Variants in TG observed in about 807,000 individuals in gnomAD.
TG encodes the protein thyroid hormones.
In TG, 270 loss-of-function variants were observed where a neutral mutation model predicts 324.7. The ratio of observed to expected loss-of-function variants is 0.83; its 90% CI spans 0.75 to 0.92. The LOEUF is 0.92. Ranked by LOEUF, TG falls within the 40% of genes least tolerant of loss-of-function variation. The pLI, the probability that TG is intolerant of heterozygous loss-of-function variation, is 0.00. For missense variants in TG, 3,591 were observed against 3,456.4 expected, an observed-to-expected ratio of 1.04 and a Z score of -0.98; for synonymous variants, 1,401 against 1,327.0, an observed-to-expected ratio of 1.06 and a Z score of -1.21.
intron 45 of TG, among the ~76,000 whole-genome samples, chr8:133,120,395 C>A (rs1851048726): frequency 6.6e-6 from 1 of 152,168 alleles, no homozygotes; most frequent in Non-Finnish European, 1.5e-5. Flanking sequence ...CTTTCATAGG[C>A]TGCTGTAACA....
rs750146452 is a variant in TG, at chr8:132,882,797, GT to G, written c.890-16del. The stretch of plus-strand genomic sequence containing the variant: ...CATTGTTGACACTGTCTTCTTTACT[GT>G]GTGGATTTCCTCTAGGCCCCACAAA... On this transcript the variant is annotated splice_polypyrimidine_tract_variant and intron_variant, in intron 7 of 47. Coordinates refer to ENST00000220616, the MANE Select transcript of TG (RefSeq NM_003235.5). 1.2e-6 allele frequency: 2 copies of G among 1,614,222 alleles called. No homozygotes were observed. Among genetic ancestry groups the G allele is most frequent in the Admixed American group, 3.3e-5 (2 of 60,022 alleles).
At chr8:132,986,862 G>A (rs1400770348) in intron 35 of TG, among the ~76,000 whole-genome samples, 2 of 151,954 alleles carry the variant, frequency 1.3e-5, no homozygotes, top group Non-Finnish European at 2.9e-5. Context: ...AGTGGTTTTC[G>A]GCTTTTGATA....
chr8:133,014,954 C>T (rs779112473), intron 37 of TG, among the ~76,000 whole-genome samples: 80 of 152,136 alleles, frequency 5.3e-4, no homozygotes, highest in Non-Finnish European at 8.4e-4. Context: ...TGCACAATCT[C>T]GGGTCACTGC....
intron 41 of TG, among the ~76,000 whole-genome samples, chr8:133,070,798 C>G (rs943241376): frequency 3.9e-5 from 6 of 152,212 alleles, no homozygotes; most frequent in Non-Finnish European, 7.3e-5. Flanking sequence ...GGTGTGCACA[C>G]TGGCCCGTGT....
intron 41 of TG, among the ~76,000 whole-genome samples, chr8:133,089,739 G>A (rs1268494188): frequency 6.6e-6 from 1 of 152,086 alleles, no homozygotes; most frequent in Non-Finnish European, 1.5e-5. Context: ...CCTGTCCTGG[G>A]GCTGTCGGAT....
Position 132,887,554 on chromosome 8 carries a change from T to A in TG, c.2176+6T>A. 1 of 1,614,154 alleles carries A rather than the reference T, an allele frequency of 6.2e-7. No individual in the cohort carries two copies. Among genetic ancestry groups the A allele is most frequent in the Non-Finnish European group, 8.5e-7 (1 of 1,180,034 alleles). On this transcript the variant is annotated splice_donor_region_variant and intron_variant, in intron 9 of 47. Transcript: ENST00000220616. ...AATAGGGAAGCCCAAGAAATGTAAG[T>A]CTGTTGGGTATTCAATCTGTAGGTT...
At chr8:133,080,355 T>A (rs888858974) in intron 41 of TG, among the ~76,000 whole-genome samples, 1 of 152,206 alleles carries the variant, frequency 6.6e-6, no homozygotes, top group African/African-American at 2.4e-5. Context: ...CTCATAGGGC[T>A]TAACATAGTT....
chr8:132,934,190 C>T (rs905049257), intron 24 of TG, among the ~76,000 whole-genome samples: 2 of 152,012 alleles, frequency 1.3e-5, no homozygotes, highest in African/African-American at 2.4e-5. Context: ...AAATAATTAG[C>T]TGGGTGTGGT....
intron 11 of TG, among the ~76,000 whole-genome samples, chr8:132,896,663 C>T (rs1817146998): frequency 6.6e-6 from 1 of 152,094 alleles, no homozygotes; most frequent in African/African-American, 2.4e-5. Context: ...GTGTGTCCCA[C>T]CCGCTGCCCA....
intron 22 of TG, among the ~76,000 whole-genome samples, chr8:132,925,658 A>G (rs1449900448): frequency 6.6e-6 from 1 of 152,068 alleles, no homozygotes; most frequent in Non-Finnish European, 1.5e-5. Flanking sequence ...GCTTTGAGAG[A>G]TCAGTTAGCC....
In TG at chr8:132,896,887, G is replaced by T. The variant is rs111425069; in HGVS notation, c.3002-762G>T. The stretch of plus-strand genomic sequence containing the variant: ...ATGTTGGTGGTGGGGAAAGCCATGT[G>T]CAAAGCCCAGTGGGTCGGGGACTGC... On this transcript the variant is annotated intron_variant, in intron 11 of 47. Transcript: ENST00000220616. 7.2e-3 allele frequency among the ~76,000 whole-genome samples: 1,096 copies of T among 152,286 alleles called. 8 individuals carry two copies. Among genetic ancestry groups the T allele is most frequent in the African/African-American group, 0.025 (1,053 of 41,540 alleles).
chr8:133,021,097 C>T (rs1313039978), intron 39 of TG, among the ~76,000 whole-genome samples: 1 of 152,210 alleles, frequency 6.6e-6, no homozygotes, highest in African/African-American at 2.4e-5. Context: ...GCTCTGCTAC[C>T]TCCTAGCTGT....
chr8:132,889,668 C>T (rs1027024870), intron 10 of TG, among the ~76,000 whole-genome samples: 5 of 152,178 alleles, frequency 3.3e-5, no homozygotes, highest in Non-Finnish European at 7.3e-5. Flanking sequence ...GGTCAGGTCT[C>T]TTACATGGGG....
intron 41 of TG, among the ~76,000 whole-genome samples, chr8:133,067,515 C>T (rs1344560744): frequency 6.6e-6 from 1 of 152,144 alleles, no homozygotes; most frequent in Non-Finnish European, 1.5e-5. Flanking sequence ...ATTTCAAACA[C>T]CTGGAATCCC....
intron 34 of TG, among the ~76,000 whole-genome samples, chr8:132,973,587 C>T (rs1223686041): frequency 3.3e-5 from 5 of 152,140 alleles, no homozygotes; most frequent in Non-Finnish European, 2.9e-5. Flanking sequence ...ACACCACTTC[C>T]TCAGTTTTTC....
chr8:132,937,252 C>T (rs1016124099), intron 25 of TG, among the ~76,000 whole-genome samples: 1 of 152,154 alleles, frequency 6.6e-6, no homozygotes, highest in African/African-American at 2.4e-5. Context: ...GGGCAAGTGG[C>T]TCGGGGCTTC....
intron 35 of TG, among the ~76,000 whole-genome samples, chr8:132,991,915 A>G (rs1832390529): frequency 1.3e-5 from 2 of 152,120 alleles, no homozygotes; most frequent in South Asian, 4.1e-4. Flanking sequence ...AACAGCTGGC[A>G]AACTGGTGCT....
intron 35 of TG, among the ~76,000 whole-genome samples, chr8:132,986,098 T>C (rs1467545721): frequency 1.3e-5 from 2 of 152,062 alleles, no homozygotes; most frequent in South Asian, 2.1e-4. Context: ...AAGCGATAGG[T>C]CCTATTATAA....
Position 132,913,206 on chromosome 8 carries a change from G to T in TG, c.4319G>T (p.Cys1440Phe). 3 of 1,614,178 alleles carry T rather than the reference G, an allele frequency of 1.9e-6. No homozygotes were observed. Among genetic ancestry groups the T allele is most frequent in the Non-Finnish European group, 8.5e-7 (1 of 1,180,022 alleles). ...FGTSPRTWFG[C>F]SEGFYQVLTS... ...ACCTCTCCCAGGACATGGTTTGGGT[G>T]CTCGGAAGGATTCTACCAAGTCTTG... Residue 1440 changes from cysteine to phenylalanine, a missense_variant, in exon 20 of 48, where the codon TGC becomes TTC. By Grantham distance (205) the Cys-to-Phe change is radical. Coordinates refer to ENST00000220616, the MANE Select transcript of TG (RefSeq NM_003235.5).
Sources: allele counts gnomAD v4.1 joint callset (sites outside exome capture counted in the v4.1 genomes callset), GRCh38; gene constraint gnomAD v4.1.1; transcripts MANE v1.5; gene names NCBI Gene and HGNC (gene_info 2026-07-23, HGNC 2026-07-21).